The following PLXNA4 variants were observed in gnomAD, a reference collection of about 807,000 sequenced individuals.
PLXNA4 encodes the protein plexin A4.
PLXNA4 carries 44 observed loss-of-function variants against 191.8 expected under a neutral mutation model. The ratio of observed to expected loss-of-function variants is 0.23; its 90% CI spans 0.18 to 0.29. The LOEUF (loss-of-function observed/expected upper bound fraction) is 0.29. Among genes scored for constraint, PLXNA4 ranks in the 10% least tolerant of loss-of-function variants. PLXNA4 has a pLI of 1.00. For missense variants in PLXNA4, 1,800 were observed against 2,488.8 expected (o/e 0.72, Z 5.89); for synonymous variants, 1,082 against 1,009.5 (o/e 1.07, Z -1.36).
At chr7:132,512,591 A>G (rs1227480638) in intron 1 of PLXNA4, among the ~76,000 whole-genome samples, 1 of 152,190 alleles carries the variant, frequency 6.6e-6, no homozygotes, top group Non-Finnish European at 1.5e-5. Flanking sequence ...GAAATGGAAG[A>G]GAAAAGGGGA....
chr7:132,625,662 T>TGTGCTGA (rs2116872387), intron 2 of PLXNA4, among the ~76,000 whole-genome samples: 1 of 152,348 alleles, frequency 6.6e-6, no homozygotes. Flanking sequence ...GTACCAGCAC[T>TGTGCTGA]GTGCTGAGTG....
At chr7:132,219,450 C>G (rs1225975590) in intron 9 of PLXNA4, among the ~76,000 whole-genome samples, 2 of 152,214 alleles carry the variant, frequency 1.3e-5, no homozygotes, top group East Asian at 3.8e-4. Context: ...TTACAGATCT[C>G]TAAACACAGA....
At chr7:132,540,309 G>A (rs1057333294) in intron 1 of PLXNA4, among the ~76,000 whole-genome samples, 19 of 152,156 alleles carry the variant, frequency 1.2e-4, no homozygotes, top group African/African-American at 4.6e-4. Flanking sequence ...TACTGTGGAT[G>A]TTGCGAGGGC....
chr7:132,544,601 G>A (rs1006303814), intron 1 of PLXNA4, among the ~76,000 whole-genome samples: 1 of 152,178 alleles, frequency 6.6e-6, no homozygotes, highest in Non-Finnish European at 1.5e-5. Flanking sequence ...GGGCTTCTAG[G>A]ATTCTCACTA....
intron 8 of PLXNA4, among the ~76,000 whole-genome samples, chr7:132,224,501 C>A (rs937017821): frequency 6.6e-6 from 1 of 152,200 alleles, no homozygotes; most frequent in South Asian, 2.1e-4. Context: ...TGTAGGCCAT[C>A]AACTCCTGGA....
intron 3 of PLXNA4, among the ~76,000 whole-genome samples, chr7:132,445,815 G>C (rs1295952259): frequency 6.6e-6 from 1 of 152,172 alleles, no homozygotes; most frequent in Non-Finnish European, 1.5e-5. Flanking sequence ...TTCTCTCTGG[G>C]GGCTCTGCTC....
intron 3 of PLXNA4, among the ~76,000 whole-genome samples, chr7:132,300,778 TGCCCTGGCTGGTCTCCA>T (rs1208207247): frequency 1.3e-5 from 2 of 152,230 alleles, no homozygotes; most frequent in East Asian, 3.9e-4. Context: ...TGATACTGAA[TGCCCTGGCTGGTCTCCA>T]GCCCCCTCAG....
chr7:132,421,312 T>C (rs2117144091), intron 3 of PLXNA4, among the ~76,000 whole-genome samples: 1 of 152,284 alleles, frequency 6.6e-6, no homozygotes, highest in South Asian at 2.1e-4. Flanking sequence ...CACTCACTTT[T>C]AAAAGGTGGT....
At chr7:132,365,328 C>CGTGT (rs3057957) in intron 3 of PLXNA4, among the ~76,000 whole-genome samples, 23,384 of 142,910 alleles carry the variant, frequency 0.16, 2,497 homozygotes, top group Non-Finnish European at 0.24. Flanking sequence ...CTACGGCCCG[C>CGTGT]GTGTGTGTGT....
intron 1 of PLXNA4, among the ~76,000 whole-genome samples, chr7:132,563,850 G>C (rs1253066210): frequency 3.1e-3 from 133 of 43,278 alleles, no homozygotes; most frequent in African/African-American, 5.3e-3. Context: ...TCCTTCTGCT[G>C]CTCCTCCTCC....
intron 5 of PLXNA4, among the ~76,000 whole-genome samples, chr7:132,229,414 G>A (rs1798447348): frequency 6.6e-6 from 1 of 152,178 alleles, no homozygotes; most frequent in Admixed American, 6.5e-5. Flanking sequence ...ACTGCATGGA[G>A]GCATCTGAAT....
At chr7:132,361,895 G>T (rs1803957521) in intron 3 of PLXNA4, among the ~76,000 whole-genome samples, 1 of 152,104 alleles carries the variant, frequency 6.6e-6, no homozygotes, top group South Asian at 2.1e-4. Context: ...TCAAAGAAAA[G>T]AACATTTAAA....
chr7:132,480,133 T>G (rs1015942455), intron 3 of PLXNA4, among the ~76,000 whole-genome samples: 2 of 152,150 alleles, frequency 1.3e-5, no homozygotes, highest in African/African-American at 4.8e-5. Context: ...CCTGAGCAAA[T>G]TAATTGGTCA....
In PLXNA4 at chr7:132,123,827, AC is replaced by A. The variant is rs1794700018; in HGVS notation, c.*6651del. The A allele has an allele frequency of 6.6e-6, 1 of 152,040 alleles. No individual in the cohort carries two copies. The highest frequency in any genetic ancestry group is 1.5e-5 in the Non-Finnish European group (1 of 68,066). 9.4% of individuals were successfully genotyped at this position (152,040 alleles called of 1,614,324 possible). A position where few individuals can be genotyped will look rare whatever the true frequency, so the allele number is the denominator to read the frequency against. On this transcript the variant is annotated 3_prime_UTR_variant, in exon 32 of 32. Coordinates refer to ENST00000321063, the MANE Select transcript of PLXNA4 (RefSeq NM_020911.2). ...AAGACCCCTGCCGGTTCCTTAAACC[AC>A]CCTTCCATCCTGTTTCTCCCCTTCT...
intron 3 of PLXNA4, among the ~76,000 whole-genome samples, chr7:132,420,475 T>C (rs1018357888): frequency 2.0e-5 from 3 of 152,168 alleles, no homozygotes; most frequent in African/African-American, 7.2e-5. Context: ...CTCCACAGCC[T>C]CCTCAGCTAA....
intron 10 of PLXNA4, among the ~76,000 whole-genome samples, chr7:132,209,432 G>A (rs1797726378): frequency 6.6e-6 from 1 of 152,210 alleles, no homozygotes; most frequent in Non-Finnish European, 1.5e-5. Flanking sequence ...CCTTGGGGCT[G>A]ATCTGCTTGA....
chr7:132,130,651 G>A lies in PLXNA4; in HGVS notation c.5590-77C>T. 4 of 1,602,754 alleles carry A rather than the reference G, an allele frequency of 2.5e-6. No individual in the cohort carries two copies. The Admixed American group carries it at 6.7e-5, about 27-fold the overall frequency. ...TGTTCTCAGGAGGCACAAAGATGGT[G>A]TGGATGTGGTCAGAAGCCCGGGAAG... On this transcript the variant is annotated intron_variant, in intron 31 of 31. Coordinates refer to ENST00000321063, the MANE Select transcript of PLXNA4 (RefSeq NM_020911.2).
In PLXNA4 at chr7:132,227,345, T is replaced by C. The variant is rs371899094; in HGVS notation, c.1882+106A>G. 2,734 of 1,468,048 alleles carry C rather than the reference T, an allele frequency of 1.9e-3. 70 individuals are homozygous for C. In the South Asian group the frequency reaches 0.033, roughly 18 times the overall value. The allele number at this position is 1,468,048 out of a possible 1,614,324, so 90.9% of individuals were successfully genotyped here. A position where few individuals can be genotyped will look rare whatever the true frequency, so the allele number is the denominator to read the frequency against. On this transcript the variant is annotated intron_variant, in intron 7 of 31. Transcript: ENST00000321063. Reference sequence around the variant, plus strand: ...ACCATCCCATGCCCCTTCCTCTGACTCTCTCCTGCCTGCAGGTTGCTTTGA... The same window carrying C: ...ACCATCCCATGCCCCTTCCTCTGACCCTCTCCTGCCTGCAGGTTGCTTTGA...
chr7:132,498,759 G>A (rs1798130940), intron 2 of PLXNA4, among the ~76,000 whole-genome samples: 1 of 152,142 alleles, frequency 6.6e-6, no homozygotes, highest in Non-Finnish European at 1.5e-5. Flanking sequence ...TTGCTTCTGG[G>A]CATCTCAAAA....
Sources: allele counts gnomAD v4.1 joint callset (sites outside exome capture counted in the v4.1 genomes callset), GRCh38; gene constraint gnomAD v4.1.1; transcripts MANE v1.5; gene names NCBI Gene and HGNC (gene_info 2026-07-23, HGNC 2026-07-21).